Variants in CHN1 observed in about 807,000 individuals in gnomAD.
CHN1 encodes N-chimaerin.
Under a neutral mutation model 59.5 loss-of-function variants are expected in CHN1, and 37 were observed. That is an observed-to-expected ratio of 0.62 (90% CI 0.48 to 0.82). The LOEUF (loss-of-function observed/expected upper bound fraction) is 0.82, where lower values mean the gene tolerates loss of function less well. CHN1 is among the 40% of genes least tolerant of loss of function. The pLI, the probability that CHN1 is intolerant of heterozygous loss-of-function variation, is 0.00. For missense variants in CHN1, 469 were observed against 571.0 expected (o/e 0.82, Z 1.82); for synonymous variants, 206 against 200.4 (o/e 1.03, Z -0.24).
chr2:174,800,720 ACAG>A (rs1292390792), intron 12 of CHN1, among the ~76,000 whole-genome samples: 3 of 136,788 alleles, frequency 2.2e-5, no homozygotes, highest in Non-Finnish European at 4.7e-5. Flanking sequence ...TAGGAAGAGA[ACAG>A]CAGCGACAGT....
chr2:174,845,112 CAA>C (rs1017718543), intron 7 of CHN1, among the ~76,000 whole-genome samples: 10 of 152,100 alleles, frequency 6.6e-5, no homozygotes, highest in Non-Finnish European at 1.2e-4. Flanking sequence ...GATACAAACA[CAA>C]AAAGAGTTTG....
At chr2:174,871,331 G>C (rs1438715304) in intron 6 of CHN1, among the ~76,000 whole-genome samples, 3 of 151,756 alleles carry the variant, frequency 2.0e-5, no homozygotes, top group Non-Finnish European at 4.4e-5. Context: ...GATATTCTAA[G>C]GATTCTGAAT....
At chr2:174,999,237 A>C (rs531728336) in intron 1 of CHN1, among the ~76,000 whole-genome samples, 1 of 152,304 alleles carries the variant, frequency 6.6e-6, no homozygotes, top group East Asian at 1.9e-4. Flanking sequence ...ATTTGGTTAC[A>C]AGGCCAGGCT....
At chr2:174,884,370 A>G (rs1251259354) in intron 5 of CHN1, among the ~76,000 whole-genome samples, 2 of 150,786 alleles carry the variant, frequency 1.3e-5, no homozygotes, top group African/African-American at 4.9e-5. Context: ...AAGAACACAC[A>G]TTTACACAAT....
intron 8 of CHN1, among the ~76,000 whole-genome samples, chr2:174,823,338 T>A (rs1441246237): frequency 1.3e-5 from 2 of 152,196 alleles, no homozygotes; most frequent in Admixed American, 1.3e-4. Context: ...ATTTAAAATT[T>A]ACATGATTAT....
At chr2:174,874,628 A>C (rs1242288166) in intron 6 of CHN1, among the ~76,000 whole-genome samples, 1 of 152,198 alleles carries the variant, frequency 6.6e-6, no homozygotes, top group East Asian at 1.9e-4. Flanking sequence ...CAACAAAAAA[A>C]TAAAAACACT....
intron 6 of CHN1, among the ~76,000 whole-genome samples, chr2:174,867,249 G>A (rs1379552348): frequency 2.6e-5 from 4 of 151,664 alleles, no homozygotes; most frequent in East Asian, 1.9e-4. Flanking sequence ...GGTGGTGCAC[G>A]CCTATAGTCC....
intron 1 of CHN1, among the ~76,000 whole-genome samples, chr2:174,955,584 A>C (rs1490876644): frequency 6.6e-6 from 1 of 152,100 alleles, no homozygotes; most frequent in Admixed American, 6.5e-5. Flanking sequence ...TCACCACTAA[A>C]GAACTTATTC....
At chr2:174,973,755 A>C (rs1690834058) in intron 1 of CHN1, among the ~76,000 whole-genome samples, 1 of 152,232 alleles carries the variant, frequency 6.6e-6, no homozygotes, top group Non-Finnish European at 1.5e-5. Flanking sequence ...CTCTACCAGC[A>C]CTTACTAATT....
chr2:174,941,021 G>A lies in CHN1; in HGVS notation c.114+3867C>T, dbSNP rs117723138. ...ATTTTTTCTCTTTGTAACAAAGTGA[G>A]TTTTTTTTAATTTTAAAGTATAATT... On this transcript the variant is annotated intron_variant, in intron 3 of 12. Transcript: ENST00000409900. Among the ~76,000 whole-genome samples, 59 of 151,986 alleles carry A rather than the reference G, an allele frequency of 3.9e-4. 2 individuals carry two copies. In the East Asian group the frequency reaches 0.011, roughly 29 times the overall value.
At chr2:174,916,219 C>T (rs1035333900) in intron 4 of CHN1, among the ~76,000 whole-genome samples, 9 of 152,134 alleles carry the variant, frequency 5.9e-5, no homozygotes, top group African/African-American at 1.7e-4. Flanking sequence ...TTTACCTTCC[C>T]GTAAATGGCC....
chr2:174,829,116 CT>C (rs1229516575), intron 7 of CHN1, among the ~76,000 whole-genome samples: 8 of 152,164 alleles, frequency 5.3e-5, no homozygotes, highest in African/African-American at 1.9e-4. Context: ...TTTCAAAGCC[CT>C]CTTGTGCAAC....
At chr2:174,990,258 T>TGA (rs1342729574) in intron 1 of CHN1, among the ~76,000 whole-genome samples, 2 of 94,674 alleles carry the variant, frequency 2.1e-5, no homozygotes, top group African/African-American at 7.0e-5. Context: ...TGTGTGTGTG[T>TGA]GTGTGAGAGA....
rs111622187 is a variant in CHN1, at chr2:174,896,651, C to T, written c.260+18407G>A. Among the ~76,000 whole-genome samples, 592 of 152,212 alleles carry T rather than the reference C, an allele frequency of 3.9e-3. 1 individual carries two copies. Among genetic ancestry groups the T allele is most frequent in the African/African-American group, 0.013 (555 of 41,536 alleles). ...AATTTTTAGAAAGACACACAGACAGCACTACACAGAAGCCCACATTTTGTA... is the reference window on the plus strand; with the variant it reads ...AATTTTTAGAAAGACACACAGACAGTACTACACAGAAGCCCACATTTTGTA... On this transcript the variant is annotated intron_variant, in intron 5 of 12. Transcript: ENST00000409900.
chr2:174,975,949 G>A (rs1053921309), intron 1 of CHN1, among the ~76,000 whole-genome samples: 3 of 143,996 alleles, frequency 2.1e-5, no homozygotes, highest in South Asian at 2.2e-4. Flanking sequence ...GTGAAACCCC[G>A]TCTCTGCTAA....
chr2:174,901,196 C>T (rs990202792), intron 5 of CHN1, among the ~76,000 whole-genome samples: 1 of 152,140 alleles, frequency 6.6e-6, no homozygotes, highest in African/African-American at 2.4e-5. Flanking sequence ...CTTAACCGGG[C>T]CTACAAGAAG....
At chr2:174,963,438 T>A (rs1165600227) in intron 1 of CHN1, among the ~76,000 whole-genome samples, 1 of 152,054 alleles carries the variant, frequency 6.6e-6, no homozygotes, top group African/African-American at 2.4e-5. Flanking sequence ...GGATAGATGG[T>A]TTTTAAAATA....
intron 5 of CHN1, among the ~76,000 whole-genome samples, chr2:174,913,089 C>T (rs1158992447): frequency 6.6e-6 from 1 of 152,180 alleles, no homozygotes; most frequent in African/African-American, 2.4e-5. Context: ...AAATCCTTAG[C>T]CTTCAAGTAT....
chr2:174,833,488 A>T (rs1393472043), intron 7 of CHN1, among the ~76,000 whole-genome samples: 1 of 151,772 alleles, frequency 6.6e-6, no homozygotes, highest in African/African-American at 2.4e-5. Flanking sequence ...TTCTGATGAG[A>T]ATTTTGCTTT....
Sources: allele counts gnomAD v4.1 joint callset (sites outside exome capture counted in the v4.1 genomes callset), GRCh38; gene constraint gnomAD v4.1.1; transcripts MANE v1.5; gene names NCBI Gene and HGNC (gene_info 2026-07-23, HGNC 2026-07-21).